Variants in BTBD9 observed in about 807,000 individuals in gnomAD.
The protein encoded by BTBD9 is BTB/POZ domain-containing protein 9.
In BTBD9, 49 loss-of-function variants were observed where a neutral mutation model predicts 64.3. That is an observed-to-expected ratio of 0.76 (90% confidence interval 0.61 to 0.97). The LOEUF (loss-of-function observed/expected upper bound fraction) is 0.97, where lower values mean the gene tolerates loss of function less well. Ranked by LOEUF, BTBD9 falls within the 50% of genes least tolerant of loss-of-function variation. The pLI, the probability that BTBD9 is intolerant of heterozygous loss-of-function variation, is 0.00. For synonymous variants in BTBD9, 260 were observed against 274.7 expected, an observed-to-expected ratio of 0.95 and a Z score of 0.53; for missense variants, 598 against 762.1, an observed-to-expected ratio of 0.78 and a Z score of 2.53.
chr6:38,589,860 T>C lies in BTBD9; in HGVS notation c.814+2716A>G, dbSNP rs548901377. Among the ~76,000 whole-genome samples, 28 of 152,312 alleles carry C rather than the reference T, an allele frequency of 1.8e-4. No individual in the cohort carries two copies. The South Asian group carries it at 3.5e-3, about 19-fold the overall frequency. On this transcript the variant is annotated intron_variant, in intron 4 of 10. Transcript: ENST00000481247. ...AGCTCTCTCCTCCGGTTGTCCTCTG[T>C]AACTCTATTCTATCCCAAATGTCTT...
At chr6:38,622,621 G>A (rs1778026237) in intron 1 of BTBD9, among the ~76,000 whole-genome samples, 1 of 152,110 alleles carries the variant, frequency 6.6e-6, no homozygotes, top group Non-Finnish European at 1.5e-5. Flanking sequence ...TATTACACAA[G>A]CAATGAAAAG....
At chr6:38,200,784 C>G (rs944702077) in intron 9 of BTBD9, among the ~76,000 whole-genome samples, 9 of 152,266 alleles carry the variant, frequency 5.9e-5, no homozygotes, top group African/African-American at 2.2e-4. Context: ...AGTCTCCCAA[C>G]AAAGAAAAGC....
chr6:38,467,539 A>G (rs528086676), intron 6 of BTBD9, among the ~76,000 whole-genome samples: 6 of 152,314 alleles, frequency 3.9e-5, no homozygotes, highest in African/African-American at 1.4e-4. Context: ...CTGCTGAGCA[A>G]TTTGTTCCAT....
Position 38,439,110 on chromosome 6 carries a change from C to CTTTTTTTTTT in BTBD9, c.1155-94027_1155-94018dup, listed in dbSNP as rs35699356. On this transcript the variant is annotated intron_variant, in intron 6 of 10. Transcript: ENST00000481247. ...TCTTGTAGGCTCGTGTAGCAACTGA[C>CTTTTTTTTTT]TTTTTTTTTTTTTTTTTTTTTTTTG... 5.8e-4 allele frequency among the ~76,000 whole-genome samples: 37 copies of CTTTTTTTTTT among 64,052 alleles called. 1 individual carries two copies. The highest frequency in any genetic ancestry group is 1.7e-3 in the African/African-American group (25 of 14,584). The allele number at this position is 64,052 out of a possible 152,430, so 42.0% of individuals were successfully genotyped here. A position where few individuals can be genotyped will look rare whatever the true frequency, so the allele number is the denominator to read the frequency against.
intron 6 of BTBD9, among the ~76,000 whole-genome samples, chr6:38,528,542 G>A (rs1773623354): frequency 6.6e-6 from 1 of 152,186 alleles, no homozygotes. Context: ...GAGAAGAGGA[G>A]AGGAGAAGGA....
At chr6:38,588,409 CCAAGAT>C in intron 4 of BTBD9, 1 of 824,570 alleles carries the variant, frequency 1.2e-6, no homozygotes, top group East Asian at 2.5e-5. Context: ...GGCCTATAGA[CCAAGAT>C]CAAGTTTTAC....
In BTBD9 at chr6:38,309,781, C is replaced by T. The variant is rs181704345; in HGVS notation, c.1265-21320G>A. 3.2e-3 allele frequency among the ~76,000 whole-genome samples: 474 copies of T among 149,760 alleles called. 5 individuals are homozygous for T. Among genetic ancestry groups the T allele is most frequent in the African/African-American group, 0.011 (438 of 40,790 alleles). On this transcript the variant is annotated intron_variant, in intron 7 of 10. Transcript: ENST00000481247. ...GCAGCCTTTCTTTTTTTTTTTTAAG[C>T]TAGAGGCTGTATCTGGTTCAAACAT...
chr6:38,397,665 G>A (rs1317309691), intron 6 of BTBD9, among the ~76,000 whole-genome samples: 1 of 152,208 alleles, frequency 6.6e-6, no homozygotes, highest in African/African-American at 2.4e-5. Context: ...TGCCATGTGA[G>A]CCCATGAAAT....
At chr6:38,557,598 T>G (rs1286577530) in intron 6 of BTBD9, among the ~76,000 whole-genome samples, 1 of 152,178 alleles carries the variant, frequency 6.6e-6, no homozygotes, top group Non-Finnish European at 1.5e-5. Flanking sequence ...AATAAATAAT[T>G]TTCCTCCTTC....
chr6:38,590,932 G>A (rs369029063), intron 4 of BTBD9, among the ~76,000 whole-genome samples: 14 of 151,946 alleles, frequency 9.2e-5, no homozygotes, highest in South Asian at 4.2e-4. Context: ...CATTGTATCC[G>A]TTCTAATCAT....
intron 6 of BTBD9, among the ~76,000 whole-genome samples, chr6:38,423,418 C>T (rs974587089): frequency 3.9e-5 from 6 of 152,130 alleles, no homozygotes; most frequent in Non-Finnish European, 8.8e-5. Context: ...GATCCTCCCA[C>T]CTAAGCCTCC....
chr6:38,316,605 T>C (rs1582218381), intron 7 of BTBD9, among the ~76,000 whole-genome samples: 1 of 152,346 alleles, frequency 6.6e-6, no homozygotes, highest in Middle Eastern at 3.4e-3. Context: ...CTCCCCACTT[T>C]TTAACTTTCT....
intron 6 of BTBD9, among the ~76,000 whole-genome samples, chr6:38,486,130 C>T (rs1011375641): frequency 1.3e-5 from 2 of 152,198 alleles, no homozygotes; most frequent in African/African-American, 2.4e-5. Flanking sequence ...TTGCACCTTC[C>T]GCACCTCTCT....
At chr6:38,579,059 A>AT (rs1253145064) in intron 5 of BTBD9, among the ~76,000 whole-genome samples, 1 of 152,246 alleles carries the variant, frequency 6.6e-6, no homozygotes, top group Non-Finnish European at 1.5e-5. Context: ...GAAATGAGAT[A>AT]TGTGGATTGG....
At chr6:38,616,976 G>A (rs543858533) in intron 1 of BTBD9, among the ~76,000 whole-genome samples, 17 of 152,250 alleles carry the variant, frequency 1.1e-4, no homozygotes, top group Non-Finnish European at 1.6e-4. Context: ...CCAGGATATC[G>A]CTATGCGGTG....
At chr6:38,195,001 G>A (rs774544333) in intron 9 of BTBD9, among the ~76,000 whole-genome samples, 1 of 152,224 alleles carries the variant, frequency 6.6e-6, no homozygotes, top group Admixed American at 6.5e-5. Flanking sequence ...CAGCCTGAGA[G>A]TTGAATATAT....
chr6:38,279,218 T>C (rs543167109), intron 8 of BTBD9, among the ~76,000 whole-genome samples: 5 of 152,158 alleles, frequency 3.3e-5, no homozygotes, highest in Admixed American at 2.0e-4. Context: ...TAAGTAGATA[T>C]ACAAGCATGT....
intron 10 of BTBD9, among the ~76,000 whole-genome samples, chr6:38,178,631 C>T (rs973219605): frequency 1.3e-5 from 2 of 151,542 alleles, no homozygotes; most frequent in African/African-American, 4.9e-5. Flanking sequence ...GGCAGCCAAG[C>T]TAGAGAGGAT....
At chr6:38,562,983 G>A (rs1186373491) in intron 6 of BTBD9, among the ~76,000 whole-genome samples, 1 of 152,066 alleles carries the variant, frequency 6.6e-6, no homozygotes, top group Non-Finnish European at 1.5e-5. Context: ...GTGTTGCCAG[G>A]GCTGATGGAC....
Sources: gnomAD v4.1 joint callset for allele counts (sites outside exome capture counted in the v4.1 genomes callset) on GRCh38, gnomAD v4.1.1 for gene constraint, MANE v1.5 for transcripts, NCBI Gene and HGNC (gene_info 2026-07-23, HGNC 2026-07-21) for gene names.